Variants in ADGRL4 observed in about 807,000 individuals in gnomAD.
ADGRL4 encodes the protein adhesion G protein-coupled receptor L4, also known as EGF, latrophilin and seven transmembrane domain containing 1.
ADGRL4 carries 90 observed loss-of-function variants against 74.8 expected under a neutral mutation model. The observed-to-expected ratio is 1.20, with a 90% CI of 1.02 to 1.43. The LOEUF (loss-of-function observed/expected upper bound fraction) is 1.43, where lower values mean the gene tolerates loss of function less well. Ranked by LOEUF, ADGRL4 falls within the 40% of genes most tolerant of loss-of-function variation. The pLI, the probability that ADGRL4 is intolerant of heterozygous loss-of-function variation, is 0.00. For missense variants in ADGRL4, 881 were observed against 814.3 expected, an observed-to-expected ratio of 1.08 and a Z score of -1.00; for synonymous variants, 311 against 279.2, an observed-to-expected ratio of 1.11 and a Z score of -1.14.
chr1:78,961,350 C>T (rs1222898779), intron 2 of ADGRL4, among the ~76,000 whole-genome samples: 1 of 152,050 alleles, frequency 6.6e-6, no homozygotes, highest in Admixed American at 6.6e-5. Context: ...ACCATGTTGG[C>T]CAGGATGGTC....
intron 12 of ADGRL4, among the ~76,000 whole-genome samples, chr1:78,917,056 G>A (rs1039255737): frequency 1.3e-5 from 2 of 151,806 alleles, no homozygotes; most frequent in African/African-American, 2.4e-5. Context: ...TGACTTGTCT[G>A]TTCATGAGAA....
At chr1:78,987,739 T>C (rs1050782196) in intron 2 of ADGRL4, among the ~76,000 whole-genome samples, 1 of 151,820 alleles carries the variant, frequency 6.6e-6, no homozygotes, top group Non-Finnish European at 1.5e-5. Context: ...TTTGCTGCTA[T>C]CTTTTCCTTT....
At chr1:78,966,154 G>A (rs1298221068) in intron 2 of ADGRL4, among the ~76,000 whole-genome samples, 1 of 152,134 alleles carries the variant, frequency 6.6e-6, no homozygotes, top group East Asian at 1.9e-4. Flanking sequence ...CTGACAGCCT[G>A]TACACTGTGG....
intron 12 of ADGRL4, among the ~76,000 whole-genome samples, chr1:78,901,516 C>G (rs780012039): frequency 7.7e-4 from 117 of 152,178 alleles, no homozygotes; most frequent in Non-Finnish European, 5.6e-4. Flanking sequence ...CTTGGCAGAA[C>G]TCTTTCTCTT....
intron 2 of ADGRL4, among the ~76,000 whole-genome samples, chr1:78,997,076 C>T (rs909023508): frequency 6.6e-6 from 1 of 152,038 alleles, no homozygotes; most frequent in Admixed American, 6.6e-5. Flanking sequence ...ACAAACCATG[C>T]AGTTAGCGTG....
At chr1:78,929,272 T>C (rs1449178220) in intron 7 of ADGRL4, among the ~76,000 whole-genome samples, 1 of 151,264 alleles carries the variant, frequency 6.6e-6, no homozygotes, top group Non-Finnish European at 1.5e-5. Flanking sequence ...TCCCAACACT[T>C]TGGGAGGCTG....
chr1:78,950,940 A>G (rs1649710368), intron 2 of ADGRL4, among the ~76,000 whole-genome samples: 1 of 152,116 alleles, frequency 6.6e-6, no homozygotes, highest in Non-Finnish European at 1.5e-5. Flanking sequence ...GCCTTAATTA[A>G]CTGAGGACAT....
intron 2 of ADGRL4, among the ~76,000 whole-genome samples, chr1:78,974,834 C>T (rs1276094933): frequency 2.6e-5 from 4 of 152,164 alleles, no homozygotes; most frequent in African/African-American, 7.2e-5. Context: ...ACTTGTTTTA[C>T]ATTGGGCCCA....
At chr1:78,999,471 G>A (rs1289338656) in intron 2 of ADGRL4, among the ~76,000 whole-genome samples, 3 of 152,120 alleles carry the variant, frequency 2.0e-5, no homozygotes, top group Non-Finnish European at 4.4e-5. Flanking sequence ...TACTCGGGAG[G>A]CTGAGGCGGG....
At chr1:78,989,344 TA>T in intron 2 of ADGRL4, among the ~76,000 whole-genome samples, 1 of 151,994 alleles carries the variant, frequency 6.6e-6, no homozygotes, top group African/African-American at 2.4e-5. Context: ...ATTGTCTTTG[TA>T]AACATGCTTC....
chr1:78,999,839 T>TCTATCTATCTACCTAC (rs1426981277), intron 2 of ADGRL4, among the ~76,000 whole-genome samples: 69 of 111,664 alleles, frequency 6.2e-4, no homozygotes, highest in African/African-American at 1.6e-3. Flanking sequence ...TATCTATCTA[T>TCTATCTATCTACCTAC]CTACCTACCT....
At chr1:78,988,805 C>T (rs931269944) in intron 2 of ADGRL4, among the ~76,000 whole-genome samples, 3 of 151,776 alleles carry the variant, frequency 2.0e-5, no homozygotes, top group Non-Finnish European at 4.4e-5. Flanking sequence ...ACACCAAATT[C>T]GTCTTTAAAA....
At chr1:78,935,246 C>A (rs563352569) in intron 7 of ADGRL4, among the ~76,000 whole-genome samples, 1 of 152,256 alleles carries the variant, frequency 6.6e-6, no homozygotes, top group East Asian at 1.9e-4. Context: ...GAGATCATGT[C>A]TTTGCAGGGA....
At chr1:78,973,410 G>A (rs1356463104) in intron 2 of ADGRL4, among the ~76,000 whole-genome samples, 4 of 151,476 alleles carry the variant, frequency 2.6e-5, no homozygotes, top group African/African-American at 7.3e-5. Flanking sequence ...TTTCACATAA[G>A]CATATGTAGT....
At chr1:78,900,660 C>A (rs1648497448) in intron 12 of ADGRL4, among the ~76,000 whole-genome samples, 1 of 151,986 alleles carries the variant, frequency 6.6e-6, no homozygotes, top group Non-Finnish European at 1.5e-5. Context: ...GGTGTCGCAC[C>A]TCTCCCTTCA....
chr1:78,986,655 C>T (rs1315198719), intron 2 of ADGRL4, among the ~76,000 whole-genome samples: 1 of 151,512 alleles, frequency 6.6e-6, no homozygotes, highest in Non-Finnish European at 1.5e-5. Context: ...AAGCAATATA[C>T]ATTACTTTTT....
intron 2 of ADGRL4, among the ~76,000 whole-genome samples, chr1:78,989,022 A>ATATT: frequency 6.6e-6 from 1 of 151,932 alleles, no homozygotes; most frequent in Non-Finnish European, 1.5e-5. Context: ...TTTATTTCGT[A>ATATT]TATTTTAAGT....
intron 3 of ADGRL4, among the ~76,000 whole-genome samples, chr1:78,943,396 T>C (rs991559113): frequency 1.3e-5 from 2 of 152,228 alleles, no homozygotes; most frequent in Admixed American, 1.3e-4. Context: ...TCTGTTTTAC[T>C]GTGATTCAAA....
At chr1:78,987,710 A>C (rs17414877) in intron 2 of ADGRL4, among the ~76,000 whole-genome samples, 22,578 of 151,624 alleles carry the variant, frequency 0.15, 1,833 homozygotes, top group Admixed American at 0.23. Context: ...ATTCTTGATT[A>C]ATTTATATGG....
Sources: allele counts gnomAD v4.1 joint callset (sites outside exome capture counted in the v4.1 genomes callset), GRCh38; gene constraint gnomAD v4.1.1; transcripts MANE v1.5; gene names NCBI Gene and HGNC (gene_info 2026-07-23, HGNC 2026-07-21).